SUPT3H: variants seen among roughly 807,000 people sequenced by gnomAD.
SUPT3H encodes SPT3 homolog, SAGA and STAGA complex component.
SUPT3H carries 44 observed loss-of-function variants against 44.3 expected under a neutral mutation model. The ratio of observed to expected loss-of-function variants is 0.99; its 90% CI spans 0.78 to 1.28. The LOEUF is 1.28. Ranked by LOEUF, SUPT3H falls within the 50% of genes most tolerant of loss-of-function variation. The pLI is 0.00. For missense variants in SUPT3H, 380 were observed against 387.1 expected (o/e 0.98, Z 0.15); for synonymous variants, 124 against 125.6 (o/e 0.99, Z 0.09).
intron 2 of SUPT3H, chr6:45,321,744 C>T: frequency 8.0e-7 from 1 of 1,251,552 alleles, no homozygotes; most frequent in Admixed American, 1.8e-5. Flanking sequence ...CTCTTCTACC[C>T]ATAAACTTGT....
At chr6:45,298,893 T>C (rs1464801306) in intron 2 of SUPT3H, among the ~76,000 whole-genome samples, 1 of 152,202 alleles carries the variant, frequency 6.6e-6, no homozygotes, top group East Asian at 1.9e-4. Context: ...TGTCTTTTTA[T>C]ATTAAAAATT....
intron 9 of SUPT3H, among the ~76,000 whole-genome samples, chr6:44,944,325 C>T (rs150465962): frequency 4.8e-4 from 73 of 151,948 alleles, no homozygotes; most frequent in African/African-American, 1.7e-3. Flanking sequence ...CTAAAAAACA[C>T]ACAACCCAAA....
intron 3 of SUPT3H, among the ~76,000 whole-genome samples, chr6:45,068,884 G>A (rs916838458): frequency 6.6e-5 from 10 of 150,684 alleles, no homozygotes; most frequent in Non-Finnish European, 1.0e-4. Context: ...TAGAATGTTC[G>A]TTCCATTGAT....
intron 7 of SUPT3H, 47 bp from the exon 8 acceptor site, chr6:44,954,654 G>T: frequency 9.3e-7 from 1 of 1,079,122 alleles, no homozygotes; most frequent in Non-Finnish European, 1.4e-6. Flanking sequence ...TTTTTAAAGT[G>T]TTTTAATACT....
intron 3 of SUPT3H, among the ~76,000 whole-genome samples, chr6:45,038,410 G>GT (rs1788006058): frequency 6.6e-6 from 1 of 152,080 alleles, no homozygotes; most frequent in Non-Finnish European, 1.5e-5. Context: ...CCCACCAACA[G>GT]CTCACAATGC....
At chr6:44,813,220 C>G (rs1766657897) in intron 11 of SUPT3H, among the ~76,000 whole-genome samples, 1 of 152,170 alleles carries the variant, frequency 6.6e-6, no homozygotes, top group African/African-American at 2.4e-5. Flanking sequence ...AGGTCTTGAT[C>G]TGTCATCCAG....
At chr6:44,888,256 C>A (rs1762664012) in intron 10 of SUPT3H, among the ~76,000 whole-genome samples, 1 of 152,168 alleles carries the variant, frequency 6.6e-6, no homozygotes, top group Admixed American at 6.6e-5. Context: ...TCCTCCCTGA[C>A]TCATTTTATG....
chr6:45,373,693 G>A (rs1056140452), intron 1 of SUPT3H, among the ~76,000 whole-genome samples: 2 of 152,062 alleles, frequency 1.3e-5, no homozygotes, highest in African/African-American at 4.8e-5. Flanking sequence ...TGGGACTACA[G>A]GCATGCACCA....
chr6:44,966,912 A>C (rs1186427599), intron 6 of SUPT3H, among the ~76,000 whole-genome samples: 1 of 152,200 alleles, frequency 6.6e-6, no homozygotes, highest in Non-Finnish European at 1.5e-5. Flanking sequence ...CCTATCTCAG[A>C]CGGCCACATG....
At chr6:45,143,785 T>C (rs1438082510) in intron 2 of SUPT3H, among the ~76,000 whole-genome samples, 1 of 151,798 alleles carries the variant, frequency 6.6e-6, no homozygotes, top group Non-Finnish European at 1.5e-5. Flanking sequence ...ATAAACAAAA[T>C]AGATACACCA....
intron 10 of SUPT3H, among the ~76,000 whole-genome samples, chr6:44,858,713 A>G (rs1049292856): frequency 4.6e-5 from 7 of 152,202 alleles, no homozygotes; most frequent in Non-Finnish European, 1.5e-5. Flanking sequence ...GCCATGCTAG[A>G]GTGACACGCA....
intron 2 of SUPT3H, among the ~76,000 whole-genome samples, chr6:45,176,368 G>T (rs370810919): frequency 2.0e-5 from 3 of 151,982 alleles, no homozygotes; most frequent in Non-Finnish European, 4.4e-5. Context: ...TTTTCAGACC[G>T]GCTTAAAAAG....
rs1790941016 is a variant in SUPT3H, at chr6:45,346,652, C to A, written c.101+18549G>T. ...GTGCGATCTCGGCTCACTGCAACCT[C>A]CACCTCCTGGGTTCAAGCAATTCTC... On this transcript the variant is annotated intron_variant, in intron 2 of 10. Coordinates refer to ENST00000371459, the MANE Select transcript of SUPT3H (RefSeq NM_003599.4). Among the ~76,000 whole-genome samples the A allele has an allele frequency of 2.0e-5, 3 of 151,186 alleles. No individual in the cohort carries two copies. In the Admixed American group the frequency reaches 2.0e-4, roughly 10 times the overall value.
chr6:45,350,929 A>G (rs1464351739), intron 2 of SUPT3H, among the ~76,000 whole-genome samples: 2 of 152,234 alleles, frequency 1.3e-5, no homozygotes, highest in Non-Finnish European at 1.5e-5. Flanking sequence ...CTACCACCTC[A>G]GCTCTACCTC....
At chr6:44,831,001 A>C (rs1245722634) in intron 10 of SUPT3H, among the ~76,000 whole-genome samples, 1 of 152,156 alleles carries the variant, frequency 6.6e-6, no homozygotes, top group Non-Finnish European at 1.5e-5. Context: ...TATACTAAAA[A>C]TGGAAAGTAG....
At position 45,176,841 on chromosome 6, in the gene SUPT3H, G is replaced by A. The variant is rs569157104; in HGVS notation, c.102-70835C>T. Among the ~76,000 whole-genome samples, 7 of 152,268 alleles carry A rather than the reference G, an allele frequency of 4.6e-5. No homozygotes were observed. In the South Asian group the frequency reaches 1.2e-3, roughly 27 times the overall value. ...TGACACAAGGCCAGGTACTCCAACA[G>A]ACCTGCAGCTGAGCGTCCTGTCTGT... On this transcript the variant is annotated intron_variant, in intron 2 of 10. Coordinates refer to ENST00000371459, the MANE Select transcript of SUPT3H (RefSeq NM_003599.4).
chr6:45,117,922 T>C (rs1359136305), intron 2 of SUPT3H, among the ~76,000 whole-genome samples: 4 of 152,080 alleles, frequency 2.6e-5, no homozygotes, highest in East Asian at 1.9e-4. Flanking sequence ...TCAACAATAC[T>C]GTATTCCTCA....
intron 3 of SUPT3H, among the ~76,000 whole-genome samples, chr6:45,052,825 C>A (rs1472322492): frequency 6.6e-6 from 1 of 151,734 alleles, no homozygotes; most frequent in Non-Finnish European, 1.5e-5. Context: ...GCAAGACAGA[C>A]CAGAAAAGGA....
intron 10 of SUPT3H, among the ~76,000 whole-genome samples, chr6:44,889,349 C>CT (rs1285610077): frequency 9.2e-5 from 14 of 152,302 alleles, no homozygotes; most frequent in Non-Finnish European, 1.3e-4. Context: ...AGGCATCACG[C>CT]TACCTGACTT....
Sources: allele counts gnomAD v4.1 joint callset (sites outside exome capture counted in the v4.1 genomes callset), GRCh38; gene constraint gnomAD v4.1.1; transcripts MANE v1.5; gene names NCBI Gene and HGNC (gene_info 2026-07-23, HGNC 2026-07-21).